The following SV2C variants were observed in gnomAD, a reference collection of about 807,000 sequenced individuals.
The protein encoded by SV2C is solute carrier family 22 member B3.
A neutral mutation model predicts 79.7 loss-of-function variants in SV2C; 49 were observed. The ratio of observed to expected loss-of-function variants is 0.61; its 90% confidence interval spans 0.49 to 0.78. The LOEUF (loss-of-function observed/expected upper bound fraction) is 0.78. SV2C is among the 30% of genes least tolerant of loss of function. SV2C has a pLI of 0.00. For missense variants in SV2C, 833 were observed against 912.9 expected (o/e 0.91, Z 1.13); for synonymous variants, 334 against 333.2 (o/e 1.00, Z -0.03).
At chr5:76,253,032 A>G (rs994637256) in intron 4 of SV2C, among the ~76,000 whole-genome samples, 2 of 152,234 alleles carry the variant, frequency 1.3e-5, no homozygotes, top group African/African-American at 4.8e-5. Context: ...AACTGCAATA[A>G]TGGCTCAATC....
intron 1 of SV2C, among the ~76,000 whole-genome samples, chr5:76,130,550 G>A (rs1446791585): frequency 1.3e-5 from 2 of 152,156 alleles, no homozygotes; most frequent in Non-Finnish European, 2.9e-5. Flanking sequence ...AGTTAATGAT[G>A]GGGGAGAAAG....
At chr5:76,170,012 T>C (rs35216901) in intron 2 of SV2C, among the ~76,000 whole-genome samples, 14,895 of 152,222 alleles carry the variant, frequency 0.098, 897 homozygotes, top group Non-Finnish European at 0.13. Context: ...CAATTTTCTC[T>C]ACAAAAATGT....
At chr5:76,073,703 A>G in the SV2C span, among the ~76,000 whole-genome samples, 1 of 151,670 alleles carries the variant, frequency 6.6e-6, no homozygotes, top group Non-Finnish European at 1.5e-5. Flanking sequence ...AGCTATGAGT[A>G]TGCAAAGGCA....
downstream of SV2C, among the ~76,000 whole-genome samples, chr5:76,336,498 A>G (rs2972860): frequency 0.51 from 78,096 of 151,846 alleles, 20,651 homozygotes; most frequent in Non-Finnish European, 0.58. Context: ...GGTGGCGGCC[A>G]GGCAGAGGCT....
intron 2 of SV2C, among the ~76,000 whole-genome samples, chr5:76,167,989 T>C (rs1743094610): frequency 6.6e-6 from 1 of 152,200 alleles, no homozygotes; most frequent in African/African-American, 2.4e-5. Context: ...TTCTAATTGC[T>C]TTCTTCTTCC....
At chr5:75,951,311 G>A in the SV2C span, among the ~76,000 whole-genome samples, 4 of 152,122 alleles carry the variant, frequency 2.6e-5, no homozygotes, top group South Asian at 4.1e-4. Flanking sequence ...CGAATTTTTG[G>A]TGGTGAGCCA....
chr5:76,224,185 TG>T (rs1745174527), intron 4 of SV2C, among the ~76,000 whole-genome samples: 1 of 152,122 alleles, frequency 6.6e-6, no homozygotes, highest in South Asian at 2.1e-4. Flanking sequence ...TGGGATTTTT[TG>T]GGGGTTTTTT....
chr5:75,901,632 C>T, the SV2C span, among the ~76,000 whole-genome samples: 155 of 152,350 alleles, frequency 1.0e-3, 1 homozygote, highest in African/African-American at 3.5e-3. Flanking sequence ...CAGACAGGGA[C>T]ATTTACGTCT....
the SV2C span, among the ~76,000 whole-genome samples, chr5:75,931,108 G>C: frequency 6.6e-6 from 1 of 152,150 alleles, no homozygotes. Context: ...ACTCCAGTCT[G>C]GGTGACAGAC....
intron 2 of SV2C, among the ~76,000 whole-genome samples, chr5:76,141,228 G>A (rs900487290): frequency 6.6e-6 from 1 of 152,168 alleles, no homozygotes; most frequent in East Asian, 1.9e-4. Flanking sequence ...CCAATAAGTA[G>A]CATTCTAAGA....
the SV2C span, among the ~76,000 whole-genome samples, chr5:76,033,170 G>C: frequency 6.6e-6 from 1 of 151,988 alleles, no homozygotes; most frequent in African/African-American, 2.4e-5. Context: ...TGAGTAGGTT[G>C]CAAAAATGTT....
the SV2C span, among the ~76,000 whole-genome samples, chr5:75,952,260 T>G: frequency 4.7e-5 from 5 of 107,210 alleles, no homozygotes; most frequent in Admixed American, 9.3e-5. Flanking sequence ...CCTTCCTTCC[T>G]TCCTTCCTTC....
intron 1 of SV2C, among the ~76,000 whole-genome samples, chr5:76,109,540 C>T (rs901026230): frequency 5.3e-5 from 8 of 152,208 alleles, no homozygotes; most frequent in African/African-American, 1.9e-4. Flanking sequence ...ATCTCCCATA[C>T]GTGTGAATGT....
the SV2C span, among the ~76,000 whole-genome samples, chr5:75,971,747 T>C: frequency 2.0e-5 from 3 of 152,172 alleles, no homozygotes; most frequent in Non-Finnish European, 4.4e-5. Flanking sequence ...ATGGCCATAC[T>C]GCCCAAGGTA....
At chr5:76,173,475 C>T (rs1356976344) in intron 2 of SV2C, among the ~76,000 whole-genome samples, 1 of 152,078 alleles carries the variant, frequency 6.6e-6, no homozygotes, top group African/African-American at 2.4e-5. Context: ...AATGTGCAAA[C>T]TGATATAGTA....
the SV2C span, among the ~76,000 whole-genome samples, chr5:76,001,043 TGCATTAAGA>T: frequency 1.3e-5 from 2 of 148,528 alleles, no homozygotes; most frequent in African/African-American, 5.0e-5. Context: ...GAGTAAGAGA[TGCATTAAGA>T]GATGAACAGT....
At chr5:76,245,049 G>A (rs2112428363) in intron 4 of SV2C, among the ~76,000 whole-genome samples, 1 of 152,246 alleles carries the variant, frequency 6.6e-6, no homozygotes, top group Non-Finnish European at 1.5e-5. Context: ...AATCTTCCAT[G>A]GTACCCCCAA....
At chr5:76,315,162 G>A (rs1292297019) in intron 12 of SV2C, among the ~76,000 whole-genome samples, 1 of 150,164 alleles carries the variant, frequency 6.7e-6, no homozygotes, top group Non-Finnish European at 1.5e-5. Context: ...GTGCCATCTT[G>A]CCCTCATTAA....
intron 2 of SV2C, among the ~76,000 whole-genome samples, chr5:76,150,846 T>C (rs11743217): frequency 0.41 from 62,300 of 151,144 alleles, 13,395 homozygotes; most frequent in Middle Eastern, 0.5. Flanking sequence ...CTCTTTGTTG[T>C]CCATGTTGGT....
Sources: gnomAD v4.1 joint callset for allele counts (sites outside exome capture counted in the v4.1 genomes callset) on GRCh38, gnomAD v4.1.1 for gene constraint, MANE v1.5 for transcripts, NCBI Gene and HGNC (gene_info 2026-07-23, HGNC 2026-07-21) for gene names.